The following NCAM2 variants were observed in gnomAD, a reference collection of about 807,000 sequenced individuals.
NCAM2 encodes neural cell adhesion molecule 2, also known as N-CAM-2.
NCAM2 carries 30 observed loss-of-function variants against 98.1 expected under a neutral mutation model. That is an observed-to-expected ratio of 0.31 (90% confidence interval 0.23 to 0.41). The LOEUF (loss-of-function observed/expected upper bound fraction) is 0.41. Among genes scored for constraint, NCAM2 ranks in the 10% least tolerant of loss-of-function variants. NCAM2 has a pLI of 1.00. For synonymous variants in NCAM2, 368 were observed against 342.4 expected, an observed-to-expected ratio of 1.07 and a Z score of -0.83; for missense variants, 867 against 1,005.8, an observed-to-expected ratio of 0.86 and a Z score of 1.87.
At chr21:21,339,808 T>C (rs947353251) in intron 8 of NCAM2, among the ~76,000 whole-genome samples, 2 of 151,936 alleles carry the variant, frequency 1.3e-5, no homozygotes, top group Admixed American at 6.6e-5. Flanking sequence ...TTTATTACTT[T>C]CCTTTTGAAA....
At chr21:21,428,964 G>A (rs777341510) in intron 11 of NCAM2, among the ~76,000 whole-genome samples, 6 of 152,188 alleles carry the variant, frequency 3.9e-5, no homozygotes, top group Non-Finnish European at 5.9e-5. Context: ...GTGTGCGAAT[G>A]TGTGTTTGTA....
chr21:21,300,135 G>C (rs1285637491), intron 5 of NCAM2, among the ~76,000 whole-genome samples: 1 of 144,142 alleles, frequency 6.9e-6, no homozygotes, highest in Non-Finnish European at 1.5e-5. Flanking sequence ...AGGGCTGACT[G>C]TATAGTCATG....
At chr21:21,310,289 T>C (rs940942136) in intron 5 of NCAM2, among the ~76,000 whole-genome samples, 1 of 152,216 alleles carries the variant, frequency 6.6e-6, no homozygotes, top group Non-Finnish European at 1.5e-5. Flanking sequence ...TTTCAAAATA[T>C]GTAGCACTAT....
At chr21:21,478,361 GATTT>G (rs1190606951) in intron 15 of NCAM2, among the ~76,000 whole-genome samples, 9 of 151,728 alleles carry the variant, frequency 5.9e-5, no homozygotes, top group Non-Finnish European at 4.4e-5. Flanking sequence ...ATGAAACCAA[GATTT>G]ATTTGTCTTA....
intron 1 of NCAM2, among the ~76,000 whole-genome samples, chr21:21,016,453 G>C (rs765319400): frequency 6.6e-6 from 1 of 152,070 alleles, no homozygotes; most frequent in African/African-American, 2.4e-5. Flanking sequence ...TATAAATGAG[G>C]TAATGAGATT....
At chr21:21,264,926 C>A (rs1407379214) in intron 1 of NCAM2, among the ~76,000 whole-genome samples, 3 of 97,472 alleles carry the variant, frequency 3.1e-5, no homozygotes, top group African/African-American at 1.0e-4. Context: ...ATTAGATATA[C>A]ACATATATAT....
chr21:21,516,776 A>T (rs1200031091), intron 16 of NCAM2, among the ~76,000 whole-genome samples: 1 of 152,116 alleles, frequency 6.6e-6, no homozygotes, highest in Admixed American at 6.6e-5. Flanking sequence ...ATCAAATCTC[A>T]TGTCTTACTT....
At chr21:21,354,677 AAAG>A (rs1487761832) in intron 8 of NCAM2, among the ~76,000 whole-genome samples, 1 of 152,222 alleles carries the variant, frequency 6.6e-6, no homozygotes, top group East Asian at 1.9e-4. Context: ...GGACATGTTT[AAAG>A]ATGTTGTAAT....
At chr21:21,204,542 G>A (rs1180839649) in intron 1 of NCAM2, among the ~76,000 whole-genome samples, 1 of 152,106 alleles carries the variant, frequency 6.6e-6, no homozygotes, top group African/African-American at 2.4e-5. Context: ...TGAAAAGAAA[G>A]CCATATTGGA....
chr21:21,030,630 G>A (rs2064660957), intron 1 of NCAM2, among the ~76,000 whole-genome samples: 1 of 152,152 alleles, frequency 6.6e-6, no homozygotes, highest in Admixed American at 6.5e-5. Flanking sequence ...GCATCTCCAG[G>A]GGAGTCATTC....
chr21:21,256,576 G>T (rs968602112), intron 1 of NCAM2, among the ~76,000 whole-genome samples: 2 of 152,122 alleles, frequency 1.3e-5, no homozygotes, highest in Admixed American at 6.6e-5. Context: ...TTCTGTGAAA[G>T]TCCCCCTAAT....
intron 1 of NCAM2, among the ~76,000 whole-genome samples, chr21:21,100,165 G>T (rs2146484450): frequency 6.6e-6 from 1 of 152,014 alleles, no homozygotes; most frequent in Non-Finnish European, 1.5e-5. Context: ...TTTAAAAAAT[G>T]TTTGAGTTAT....
Position 21,242,253 on chromosome 21 carries a change from C to A in NCAM2, c.56-38325C>A, listed in dbSNP as rs201214001. Among the ~76,000 whole-genome samples, 258 of 152,286 alleles carry A rather than the reference C, an allele frequency of 1.7e-3. 11 individuals are homozygous for A. In the East Asian group the frequency reaches 0.043, roughly 26 times the overall value. On this transcript the variant is annotated intron_variant, in intron 1 of 17. Transcript: ENST00000400546. ...AATTGTATATATTTATGTGATACAA[C>A]ATGCTTTGATATATGTGTACATAGT... is the stretch of plus-strand genomic sequence containing the variant.
At chr21:21,087,321 A>G (rs1034452026) in intron 1 of NCAM2, among the ~76,000 whole-genome samples, 34 of 152,294 alleles carry the variant, frequency 2.2e-4, no homozygotes, top group African/African-American at 7.2e-4. Flanking sequence ...AGATTGGCCA[A>G]TGGTGAGCCA....
intron 12 of NCAM2, among the ~76,000 whole-genome samples, chr21:21,437,584 G>C (rs1978577516): frequency 6.6e-6 from 1 of 150,906 alleles, no homozygotes; most frequent in Non-Finnish European, 1.5e-5. Context: ...TCCCCATTTT[G>C]AATCTTTTTT....
intron 1 of NCAM2, among the ~76,000 whole-genome samples, chr21:21,235,321 T>C (rs2070776664): frequency 6.6e-6 from 1 of 152,046 alleles, no homozygotes; most frequent in Non-Finnish European, 1.5e-5. Context: ...GATTGAAATG[T>C]TACAGGAATT....
At chr21:21,262,004 A>G (rs4324406) in intron 1 of NCAM2, among the ~76,000 whole-genome samples, 151,322 of 152,266 alleles carry the variant, frequency 0.99, 75,199 homozygotes, top group Non-Finnish European at 1. Flanking sequence ...AGTAAGAACA[A>G]TCAGAAATGA....
chr21:21,207,372 T>A (rs889851927), intron 1 of NCAM2, among the ~76,000 whole-genome samples: 5 of 152,156 alleles, frequency 3.3e-5, no homozygotes, highest in Non-Finnish European at 7.4e-5. Flanking sequence ...ACAATTTTCC[T>A]GTGATCTACC....
intron 1 of NCAM2, among the ~76,000 whole-genome samples, chr21:21,241,268 CATT>C (rs1310715029): frequency 6.6e-6 from 1 of 151,938 alleles, no homozygotes. Flanking sequence ...TATTTCTACT[CATT>C]GACCTTAAAA....
Sources: allele counts gnomAD v4.1 joint callset (sites outside exome capture counted in the v4.1 genomes callset), GRCh38; gene constraint gnomAD v4.1.1; transcripts MANE v1.5; gene names NCBI Gene and HGNC (gene_info 2026-07-23, HGNC 2026-07-21).